MACC1: variants seen among roughly 807,000 people sequenced by gnomAD.
The protein encoded by MACC1 is MET transcriptional regulator MACC1, also known as metastasis-associated in colon cancer protein 1.
MACC1 carries 79 observed loss-of-function variants against 70.7 expected under a neutral mutation model. That is an observed-to-expected ratio of 1.12 (90% CI 0.93 to 1.35). The LOEUF (loss-of-function observed/expected upper bound fraction) is 1.35. Among genes scored for constraint, MACC1 ranks in the 40% most tolerant of loss-of-function variants. The pLI is 0.00. For missense variants in MACC1, 1,106 were observed against 978.1 expected (o/e 1.13, Z -1.74); for synonymous variants, 361 against 347.2 (o/e 1.04, Z -0.44).
At chr7:20,145,391 G>A (rs1236135850) in intron 6 of MACC1, among the ~76,000 whole-genome samples, 1 of 152,018 alleles carries the variant, frequency 6.6e-6, no homozygotes, top group African/African-American at 2.4e-5. Flanking sequence ...CCAAACAAAT[G>A]GGTCACATCT....
chr7:20,214,794 T>C (rs1289037817), intron 1 of MACC1, among the ~76,000 whole-genome samples: 3 of 152,184 alleles, frequency 2.0e-5, no homozygotes, highest in Non-Finnish European at 4.4e-5. Flanking sequence ...GTAATCTTAA[T>C]GTTATTGTTA....
At chr7:20,157,797 GA>G (rs1345523719) in intron 5 of MACC1, among the ~76,000 whole-genome samples, 2 of 140,394 alleles carry the variant, frequency 1.4e-5, no homozygotes, top group East Asian at 4.1e-4. Flanking sequence ...AAGAAAGAAA[GA>G]AAAAAATCCC....
intron 1 of MACC1, among the ~76,000 whole-genome samples, chr7:20,207,209 C>T (rs993918344): frequency 1.3e-5 from 2 of 151,798 alleles, no homozygotes; most frequent in Non-Finnish European, 2.9e-5. Context: ...GGCGCAGTCT[C>T]GGCTCACTGC....
At chr7:20,195,985 T>A (rs1782745526) in intron 1 of MACC1, among the ~76,000 whole-genome samples, 2 of 152,090 alleles carry the variant, frequency 1.3e-5, no homozygotes, top group South Asian at 4.2e-4. Context: ...AGTTGTCGTG[T>A]CTAAACTGCA....
chr7:20,147,434 A>G (rs929298080), intron 6 of MACC1: 3 of 152,206 alleles, frequency 2.0e-5, no homozygotes, highest in African/African-American at 7.2e-5. Flanking sequence ...CAGGAACAAC[A>G]CTTCATTTTC....
chr7:20,178,920 T>C (rs1158558768), intron 1 of MACC1, among the ~76,000 whole-genome samples: 2 of 152,096 alleles, frequency 1.3e-5, no homozygotes, highest in African/African-American at 4.8e-5. Context: ...TTTTTTATCA[T>C]GCTAAGAACT....
chr7:20,158,647 A>G lies in MACC1; in HGVS notation c.1714T>C (p.Tyr572His). The part of the protein sequence containing the change: ...RQSKIDYFLE[Y>H]FKGDTIALLG... Reference sequence around the variant, plus strand: ...AGAGCTATTGTGTCCCCTTTGAAATATTCAAGGAAGTAATCAATCTTGCTT... The same window carrying G: ...AGAGCTATTGTGTCCCCTTTGAAATGTTCAAGGAAGTAATCAATCTTGCTT... Residue 572 changes from tyrosine to histidine, a missense_variant, in exon 5 of 7, where the codon TAT (tyrosine) becomes CAT (histidine). Transcript: ENST00000400331. 4 of 1,614,076 alleles carry G rather than the reference A, an allele frequency of 2.5e-6. No individual in the cohort carries two copies. Among genetic ancestry groups the G allele is most frequent in the Non-Finnish European group, 3.4e-6 (4 of 1,179,980 alleles).
chr7:20,194,469 G>A (rs987506477), intron 1 of MACC1, among the ~76,000 whole-genome samples: 1 of 152,128 alleles, frequency 6.6e-6, no homozygotes, highest in Non-Finnish European at 1.5e-5. Context: ...CTGCCCCCAT[G>A]GCAGATGTGT....
chr7:20,167,347 C>T (rs562097912), intron 2 of MACC1, among the ~76,000 whole-genome samples: 1 of 151,970 alleles, frequency 6.6e-6, no homozygotes, highest in Admixed American at 6.6e-5. Flanking sequence ...AGGTGCATGC[C>T]ACCACGCCCA....
intron 1 of MACC1, among the ~76,000 whole-genome samples, chr7:20,176,102 C>T (rs1482951387): frequency 6.6e-6 from 1 of 151,992 alleles, no homozygotes; most frequent in African/African-American, 2.4e-5. Flanking sequence ...GATTTGTAAA[C>T]TGTAAAAAAA....
intron 1 of MACC1, among the ~76,000 whole-genome samples, chr7:20,211,430 T>C (rs1231227031): frequency 6.6e-6 from 1 of 152,170 alleles, no homozygotes; most frequent in Non-Finnish European, 1.5e-5. Flanking sequence ...ATACTAAAGT[T>C]AATACCTGTG....
intron 1 of MACC1, among the ~76,000 whole-genome samples, chr7:20,206,310 C>T (rs1782910253): frequency 6.6e-6 from 1 of 152,072 alleles, no homozygotes; most frequent in South Asian, 2.1e-4. Context: ...CCCTGCCACT[C>T]TACTGAAACT....
At chr7:20,170,692 C>CT (rs1782290945) in intron 2 of MACC1, 22 bp downstream of exon 2, 1 of 152,192 alleles carries the variant, frequency 6.6e-6, no homozygotes, top group Admixed American at 6.5e-5. Flanking sequence ...GAAAAACACT[C>CT]TGACATTTTG....
chr7:20,156,177 T>C (rs1562584268), intron 5 of MACC1, among the ~76,000 whole-genome samples: 1 of 152,132 alleles, frequency 6.6e-6, no homozygotes, highest in Non-Finnish European at 1.5e-5. Flanking sequence ...ACCAAATCAA[T>C]ATACAATCCT....
At chr7:20,148,934 C>T (rs574480348) in intron 6 of MACC1, among the ~76,000 whole-genome samples, 92 of 152,224 alleles carry the variant, frequency 6.0e-4, no homozygotes, top group Non-Finnish European at 1.1e-3. Flanking sequence ...TTTCTCATTT[C>T]AAAAGAACAG....
chr7:20,183,932 T>G (rs1332473445), intron 1 of MACC1, among the ~76,000 whole-genome samples: 1 of 152,084 alleles, frequency 6.6e-6, no homozygotes, highest in Non-Finnish European at 1.5e-5. Context: ...GGTATCAAAT[T>G]CTTGAACGCA....
At chr7:20,164,669 C>A (rs866363679) in intron 2 of MACC1, among the ~76,000 whole-genome samples, 7 of 152,088 alleles carry the variant, frequency 4.6e-5, no homozygotes, top group African/African-American at 1.7e-4. Context: ...TCCTGGCAGA[C>A]CTTCCAAATG....
Position 20,161,844 on chromosome 7 carries a change from T to G in MACC1, c.19A>C (p.Lys7Gln), listed in dbSNP as rs1234388536. The change falls in exon 4 of 7, where the codon AAA becomes CAA. Residue 7 changes from lysine (K) to glutamine (Q), a missense_variant. Coordinates refer to ENST00000400331, the MANE Select transcript of MACC1 (RefSeq NM_182762.4). ...GCAATTCTTCCTGACCGAAAATGTTTTCTTTCAGTGATTAGCATTTTTCCA... is the reference window on the plus strand; with the variant it reads ...GCAATTCTTCCTGACCGAAAATGTTGTCTTTCAGTGATTAGCATTTTTCCA... MLITER[K>Q]HFRSGRIAQS... 1 of 1,611,392 alleles carries G rather than the reference T, an allele frequency of 6.2e-7. No homozygotes were observed. Among genetic ancestry groups the G allele is most frequent in the South Asian group, 1.1e-5 (1 of 90,982 alleles).
At chr7:20,204,473 G>T (rs1289976177) in intron 1 of MACC1, among the ~76,000 whole-genome samples, 1 of 152,160 alleles carries the variant, frequency 6.6e-6, no homozygotes, top group Non-Finnish European at 1.5e-5. Context: ...TTTAGGATGT[G>T]ATCTTCGAGT....
Sources: gnomAD v4.1 joint callset for allele counts (sites outside exome capture counted in the v4.1 genomes callset) on GRCh38, gnomAD v4.1.1 for gene constraint, MANE v1.5 for transcripts, NCBI Gene and HGNC (gene_info 2026-07-23, HGNC 2026-07-21) for gene names.